ANXA5: variants seen among roughly 807,000 people sequenced by gnomAD.
ANXA5 encodes the protein annexin A5.
A neutral mutation model predicts 48.1 loss-of-function variants in ANXA5; 40 were observed. That is an observed-to-expected ratio of 0.83 (90% CI 0.65 to 1.08). ANXA5 has a LOEUF of 1.08. Ranked by LOEUF, ANXA5 falls within the 50% of genes least tolerant of loss-of-function variation. The pLI is 0.00. For synonymous variants in ANXA5, 113 were observed against 129.1 expected (o/e 0.88, Z 0.85); for missense variants, 357 against 376.8 (o/e 0.95, Z 0.44).
chr4:121,686,029 C>CTTTTTT (rs60663589), intron 3 of ANXA5, among the ~76,000 whole-genome samples: 1 of 140,358 alleles, frequency 7.1e-6, no homozygotes, highest in African/African-American at 2.6e-5. Context: ...AATTTTTTTG[C>CTTTTTT]TTTTTTTTTT....
intron 11 of ANXA5, 30 bp from the exon 12 acceptor site, chr4:121,669,754 A>G: frequency 1.3e-6 from 2 of 1,582,226 alleles, no homozygotes; most frequent in Non-Finnish European, 1.7e-6. Flanking sequence ...GAGAGAAGCA[A>G]AATGCTTAAA....
chr4:121,679,823 A>T (rs1371873381), intron 6 of ANXA5, among the ~76,000 whole-genome samples: 1 of 152,198 alleles, frequency 6.6e-6, no homozygotes, highest in Non-Finnish European at 1.5e-5. Context: ...TACGTTGTGA[A>T]ATGATTACCA....
intron 4 of ANXA5, among the ~76,000 whole-genome samples, chr4:121,684,005 T>C (rs1305070353): frequency 6.6e-6 from 1 of 151,978 alleles, no homozygotes; most frequent in Middle Eastern, 3.2e-3. Flanking sequence ...AAAAATTATG[T>C]AATTGTGAAA....
intron 9 of ANXA5, among the ~76,000 whole-genome samples, chr4:121,671,855 T>C (rs1294194995): frequency 1.3e-5 from 2 of 152,104 alleles, no homozygotes; most frequent in East Asian, 1.9e-4. Context: ...TTACGAGTTA[T>C]AGCCAATGAG....
At chr4:121,686,616 C>A (rs1724895375) in intron 2 of ANXA5, among the ~76,000 whole-genome samples, 1 of 152,176 alleles carries the variant, frequency 6.6e-6, no homozygotes, top group African/African-American at 2.4e-5. Flanking sequence ...CTGGCTCCCT[C>A]TTCTCTGTGA....
At chr4:121,678,668 G>A (rs1046701956) in intron 6 of ANXA5, among the ~76,000 whole-genome samples, 174 bp from the exon 7 acceptor site, 2 of 152,124 alleles carry the variant, frequency 1.3e-5, no homozygotes, top group African/African-American at 4.8e-5. Flanking sequence ...TGAGTGGTTG[G>A]ACAAAAATGA....
At chr4:121,678,608 C>A in intron 6 of ANXA5, 114 bp from the exon 7 acceptor site, 1 of 861,102 alleles carries the variant, frequency 1.2e-6, no homozygotes, top group Non-Finnish European at 1.8e-6. Context: ...ATTTGGTTAA[C>A]ATAAATTCCC....
At chr4:121,678,857 T>C (rs1432930912) in intron 6 of ANXA5, among the ~76,000 whole-genome samples, 1 of 152,230 alleles carries the variant, frequency 6.6e-6, no homozygotes, top group East Asian at 1.9e-4. Flanking sequence ...TTTATATGGT[T>C]AGCTTCCAAA....
intron 4 of ANXA5, among the ~76,000 whole-genome samples, chr4:121,684,193 T>A (rs999213887): frequency 7.3e-6 from 1 of 136,524 alleles, no homozygotes; most frequent in African/African-American, 3.3e-5. Context: ...TAAATTTAAA[T>A]AATTCAAATA....
intron 2 of ANXA5, among the ~76,000 whole-genome samples, chr4:121,695,001 G>C (rs1220208139): frequency 6.6e-6 from 1 of 152,186 alleles, no homozygotes; most frequent in Non-Finnish European, 1.5e-5. Flanking sequence ...TGGGTAAACA[G>C]TCTACATAAT....
Position 121,681,747 on chromosome 4 carries a change from AT to A in ANXA5, c.317del (p.Asn106MetfsTer5). The A allele has an allele frequency of 6.2e-7, 1 of 1,611,766 alleles. No homozygotes were observed. On this transcript the variant is annotated frameshift_variant, in exon 6 of 13. Transcript: ENST00000296511. LOFTEE classifies it high-confidence loss of function. The part of the protein sequence containing the change: ...LKHALKGAGT[N>X]EKVLTEIIAS... ...CAATAATTTCTGTCAGTACTTTTTCATTTGTTCCAGCTCCCTGTTTGGAGAT... is the reference window on the plus strand; with the variant it reads ...CAATAATTTCTGTCAGTACTTTTTCATTGTTCCAGCTCCCTGTTTGGAGAT...
intron 2 of ANXA5, among the ~76,000 whole-genome samples, chr4:121,688,516 G>T (rs1366728480): frequency 6.6e-6 from 1 of 152,182 alleles, no homozygotes; most frequent in African/African-American, 2.4e-5. Context: ...TGTGATAACA[G>T]TCATGACTTA....
chr4:121,693,970 AAACC>A (rs1386510087), intron 2 of ANXA5, among the ~76,000 whole-genome samples: 2 of 152,252 alleles, frequency 1.3e-5, no homozygotes, highest in Non-Finnish European at 2.9e-5. Flanking sequence ...TAATAATTTT[AAACC>A]AACCGAAAAT....
At position 121,668,100 on chromosome 4, in the gene ANXA5, GA is replaced by G; in HGVS notation, c.*367del. ...CGAACTTCACTAATAACATTTCCAA[GA>G]GTTCACAATTTCAAGGCTAAGCTTC... On this transcript the variant is annotated 3_prime_UTR_variant, in exon 13 of 13. Transcript: ENST00000296511. 6.0e-6 allele frequency: 1 copy of G among 166,136 alleles called. No homozygotes were observed. Among genetic ancestry groups the G allele is most frequent in the East Asian group, 1.7e-4 (1 of 5,982 alleles). The allele number at this position is 166,136 out of a possible 1,614,324, so 10.3% of individuals were successfully genotyped here.
chr4:121,694,329 C>T (rs555113877), intron 2 of ANXA5, among the ~76,000 whole-genome samples: 23 of 152,104 alleles, frequency 1.5e-4, no homozygotes, highest in South Asian at 1.0e-3. Context: ...TGAACAATTA[C>T]GTAGCCTAGT....
chr4:121,684,943 GC>G (rs1724856848), intron 3 of ANXA5, among the ~76,000 whole-genome samples, 172 bp from the exon 4 acceptor site: 2 of 151,260 alleles, frequency 1.3e-5, no homozygotes, highest in South Asian at 4.2e-4. Context: ...TCTTTGGGAG[GC>G]CAAGATGGGA....
At chr4:121,694,370 C>T (rs1194262783) in intron 2 of ANXA5, among the ~76,000 whole-genome samples, 3 of 152,098 alleles carry the variant, frequency 2.0e-5, no homozygotes, top group Admixed American at 6.5e-5. Context: ...ACTGCTCAGA[C>T]GCCGCACCCA....
intron 2 of ANXA5, among the ~76,000 whole-genome samples, chr4:121,694,399 T>G (rs1363167667): frequency 6.6e-6 from 1 of 152,192 alleles, no homozygotes; most frequent in Non-Finnish European, 1.5e-5. Context: ...ACTAAACTTT[T>G]TTTTTGAGAC....
intron 12 of ANXA5, 60 bp from the exon 13 acceptor site, chr4:121,668,587 A>C: frequency 6.8e-7 from 1 of 1,468,530 alleles, no homozygotes; most frequent in Non-Finnish European, 9.5e-7. Context: ...AAAATTTTAA[A>C]ACTAAATAAC....
Sources: allele counts gnomAD v4.1 joint callset (sites outside exome capture counted in the v4.1 genomes callset), GRCh38; gene constraint gnomAD v4.1.1; transcripts MANE v1.5; gene names NCBI Gene and HGNC (gene_info 2026-07-23, HGNC 2026-07-21).